Variants in PRMT7 observed in about 807,000 individuals in gnomAD.
PRMT7 encodes protein arginine methyltransferase 7.
Under a neutral mutation model 85.4 loss-of-function variants are expected in PRMT7, and 75 were observed. That is an observed-to-expected ratio of 0.88 (90% confidence interval 0.73 to 1.06). The LOEUF is 1.06. Among genes scored for constraint, PRMT7 ranks in the 50% least tolerant of loss-of-function variants. PRMT7 has a pLI of 0.00. For missense variants in PRMT7, 868 were observed against 915.2 expected (o/e 0.95, Z 0.67); for synonymous variants, 397 against 359.5 (o/e 1.10, Z -1.18).
intron 6 of PRMT7, among the ~76,000 whole-genome samples, chr16:68,332,377 AGT>A (rs2084024647): frequency 6.6e-6 from 1 of 152,102 alleles, no homozygotes; most frequent in African/African-American, 2.4e-5. Flanking sequence ...CTTGGTCTCG[AGT>A]GTGTAAAATT....
chr16:68,324,807 G>T lies in PRMT7; in HGVS notation c.257G>T (p.Gly86Val), dbSNP rs765241419. The part of the protein sequence containing the change: ...GLLSMMAVTA[G>V]ADFCYAIEVF... ...TTGTCAATGATGGCGGTCACAGCAG[G>T]TGCCGACTTCTGCTATGCCATCGAG... The change falls in exon 5 of 19, where the codon GGT (glycine) becomes GTT (valine). Residue 86 changes from glycine to valine, a missense_variant. Transcript: ENST00000441236. 5 of 1,614,048 alleles carry T rather than the reference G, an allele frequency of 3.1e-6. No homozygotes were observed. In the African/African-American group the frequency reaches 4.0e-5, roughly 13 times the overall value.
chr16:68,317,452 C>G (rs2081996873), intron 3 of PRMT7, among the ~76,000 whole-genome samples: 1 of 152,092 alleles, frequency 6.6e-6, no homozygotes, highest in South Asian at 2.1e-4. Context: ...CCTGTAGTCC[C>G]AGCTACTTGG....
Position 68,357,168 on chromosome 16 carries a change from C to T in PRMT7, c.2023C>T (p.His675Tyr), listed in dbSNP as rs201761317. Residue 675 changes from histidine to tyrosine, a missense_variant, in exon 19 of 19, where the codon CAC becomes TAC. Physicochemically the swap from His to Tyr is moderately conservative, Grantham distance 83. Transcript: ENST00000441236. ...PRTVSYAVEF[H>Y]PDTGDIIMEF... The stretch of plus-strand genomic sequence containing the variant: ...GACTGTCAGCTATGCAGTGGAGTTT[C>T]ACCCCGACACAGGCGACATCATCAT... 6.2e-7 allele frequency: 1 copy of T among 1,613,998 alleles called. No homozygotes were observed. Among genetic ancestry groups the T allele is most frequent in the East Asian group, 2.2e-5 (1 of 44,878 alleles).
chr16:68,348,766 G>A (rs1232225105), intron 14 of PRMT7, among the ~76,000 whole-genome samples: 1 of 150,710 alleles, frequency 6.6e-6, no homozygotes, highest in Non-Finnish European at 1.5e-5. Flanking sequence ...CCTCTCCCGA[G>A]TAGCTGGGAC....
In PRMT7 at chr16:68,345,733, A is replaced by G. The variant is rs774227525; in HGVS notation, c.986A>G (p.Gln329Arg). The change falls in exon 10 of 19, where the codon CAG (glutamine) becomes CGG (arginine). Residue 329 changes from glutamine (Q) to arginine (R), a missense_variant. Gln to Arg is a conservative substitution (Grantham distance 43). Coordinates refer to ENST00000441236, the MANE Select transcript of PRMT7 (RefSeq NM_019023.5). ...YFLPQEEPVVQGSALYLVAHH... is the reference protein window; with the variant it reads ...YFLPQEEPVVRGSALYLVAHH... ...CTGCCACAAGAGGAGCCTGTGGTGC[A>G]GGGCTCAGCGCTCTATCTGGTAGCC... 3 of 1,614,108 alleles carry G rather than the reference A, an allele frequency of 1.9e-6. No homozygotes were observed. The highest frequency in any genetic ancestry group is 2.5e-6 in the Non-Finnish European group (3 of 1,180,016).
chr16:68,322,303 G>A (rs964718053), intron 4 of PRMT7: 63 of 381,938 alleles, frequency 1.6e-4, no homozygotes, highest in Non-Finnish European at 2.8e-4. Context: ...GGGCTTAAGC[G>A]ATCCCCCAAC....
intron 9 of PRMT7, among the ~76,000 whole-genome samples, chr16:68,341,529 C>T (rs1409963478): frequency 6.6e-6 from 1 of 152,174 alleles, no homozygotes; most frequent in Non-Finnish European, 1.5e-5. Flanking sequence ...CCTGCCTCAG[C>T]CCCCTGAGTA....
rs1469231206 is a variant in PRMT7, at chr16:68,357,875, C to T, written c.*651C>T. ...CAAGGCAGCTGTCCCAGAGCAGTTC[C>T]TGAGATGCAGGCCCAGGAAAGTGGC... On this transcript the variant is annotated 3_prime_UTR_variant, in exon 19 of 19. Transcript: ENST00000441236. 1 of 152,386 alleles carries T rather than the reference C, an allele frequency of 6.6e-6. No homozygotes were observed. Among genetic ancestry groups the T allele is most frequent in the Non-Finnish European group, 1.5e-5 (1 of 68,158 alleles). 9.4% of individuals were successfully genotyped at this position (152,386 alleles called of 1,614,324 possible). A position where few individuals can be genotyped will look rare whatever the true frequency, so the allele number is the denominator to read the frequency against.
chr16:68,355,616 A>G (rs1356748175), intron 16 of PRMT7, 107 bp from the exon 17 acceptor site: 7 of 1,197,242 alleles, frequency 5.8e-6, no homozygotes, highest in Middle Eastern at 2.9e-4. Context: ...TTATGGGAGA[A>G]CGCACACCCC....
At chr16:68,336,671 A>C (rs1474984598) in intron 6 of PRMT7, among the ~76,000 whole-genome samples, 2 of 152,162 alleles carry the variant, frequency 1.3e-5, no homozygotes, top group Non-Finnish European at 2.9e-5. Context: ...AGTTTTCATA[A>C]GTTTGATTTC....
At position 68,345,735 on chromosome 16, in the gene PRMT7, G is replaced by T. The variant is rs1425224630; in HGVS notation, c.988G>T (p.Gly330Cys). ...FLPQEEPVVQ[G>C]SALYLVAHHD... ...GCCACAAGAGGAGCCTGTGGTGCAGGGCTCAGCGCTCTATCTGGTAGCCCA... is the reference window on the plus strand; with the variant it reads ...GCCACAAGAGGAGCCTGTGGTGCAGTGCTCAGCGCTCTATCTGGTAGCCCA... Residue 330 changes from glycine (G) to cysteine (C), a missense_variant, in exon 10 of 19, where the codon GGC becomes TGC. Transcript: ENST00000441236. 2 of 1,613,992 alleles carry T rather than the reference G, an allele frequency of 1.2e-6. No individual in the cohort carries two copies. The highest frequency in any genetic ancestry group is 2.7e-5 in the African/African-American group (2 of 74,916).
intron 15 of PRMT7, chr16:68,352,709 T>C: frequency 4.4e-6 from 1 of 227,426 alleles, no homozygotes; most frequent in Non-Finnish European, 8.5e-6. Flanking sequence ...TGGCCTGCTC[T>C]GCTCTCATTA....
At chr16:68,328,184 T>C (rs963897803) in intron 5 of PRMT7, 7 of 273,902 alleles carry the variant, frequency 2.6e-5, no homozygotes, top group African/African-American at 6.8e-5. Flanking sequence ...GCTTCAGGAA[T>C]GCCTCTAAAA....
rs117419563 is a variant in PRMT7 at position 68,349,626 on chromosome 16, G to A, written c.1413+1195G>A. 9.0e-3 allele frequency among the ~76,000 whole-genome samples: 1,373 copies of A among 152,266 alleles called. 15 individuals carry two copies. The highest frequency in any genetic ancestry group is 0.014 in the Non-Finnish European group (929 of 68,034). On this transcript the variant is annotated intron_variant, in intron 14 of 18. Transcript: ENST00000441236. ...GAACATTTCCAGGCCCGACATGGTG[G>A]CACATGTCTGTAATCCCAGAACTTC...
In PRMT7 at chr16:68,324,980, GAGTC is replaced by G. The variant is rs1352116324; in HGVS notation, c.282+151_282+154del. ...AGCCAGGCTCTGAGCGTATAGAGAT[GAGTC>G]AGACACAGTTCCTTCCTCCAGGAGC... On this transcript the variant is annotated intron_variant, in intron 5 of 18. Coordinates refer to ENST00000441236, the MANE Select transcript of PRMT7 (RefSeq NM_019023.5). The G allele has an allele frequency of 4.0e-5, 40 of 997,780 alleles. No homozygotes were observed. In the Admixed American group the frequency reaches 8.8e-4, roughly 22 times the overall value. The allele number at this position is 997,780 out of a possible 1,614,324, so 61.8% of individuals were successfully genotyped here. A position where few individuals can be genotyped will look rare whatever the true frequency, so the allele number is the denominator to read the frequency against.
chr16:68,334,120 C>A (rs746452762), intron 6 of PRMT7, among the ~76,000 whole-genome samples: 27 of 152,196 alleles, frequency 1.8e-4, no homozygotes, highest in Non-Finnish European at 2.9e-4. Flanking sequence ...ATCATTAAAT[C>A]ATTATGTAGT....
chr16:68,353,260 C>A, intron 15 of PRMT7: 2 of 810,074 alleles, frequency 2.5e-6, no homozygotes, highest in Non-Finnish European at 3.5e-6. Context: ...GGAGCTCTGG[C>A]CGACTGTCCC....
At chr16:68,332,787 G>A (rs182023220) in intron 6 of PRMT7, among the ~76,000 whole-genome samples, 1 of 152,232 alleles carries the variant, frequency 6.6e-6, no homozygotes, top group Admixed American at 6.5e-5. Context: ...ACCCTATACT[G>A]TGGTCTGGAA....
intron 9 of PRMT7, among the ~76,000 whole-genome samples, chr16:68,340,253 C>A (rs1567700121): frequency 6.6e-6 from 1 of 152,152 alleles, no homozygotes; most frequent in Non-Finnish European, 1.5e-5. Context: ...CACCCCTCAT[C>A]CCCTGAGTAA....
Sources: gnomAD v4.1 joint callset for allele counts (sites outside exome capture counted in the v4.1 genomes callset) on GRCh38, gnomAD v4.1.1 for gene constraint, MANE v1.5 for transcripts, NCBI Gene and HGNC (gene_info 2026-07-23, HGNC 2026-07-21) for gene names.